The following DCDC2C variants were observed in gnomAD, a reference collection of about 807,000 sequenced individuals.
DCDC2C encodes doublecortin domain-containing protein 2C.
DCDC2C carries 44 observed loss-of-function variants against 45.0 expected under a neutral mutation model. The ratio of observed to expected loss-of-function variants is 0.98; its 90% CI spans 0.77 to 1.26. DCDC2C has a LOEUF of 1.26. DCDC2C is among the 50% of genes most tolerant of loss of function. The pLI is 0.00. For missense variants in DCDC2C, 447 were observed against 468.9 expected, an observed-to-expected ratio of 0.95 and a Z score of 0.43; for synonymous variants, 187 against 178.8, an observed-to-expected ratio of 1.05 and a Z score of -0.37.
intron 6 of DCDC2C, among the ~76,000 whole-genome samples, chr2:3,766,702 A>G (rs775756024): frequency 2.0e-5 from 3 of 152,194 alleles, no homozygotes; most frequent in Non-Finnish European, 4.4e-5. Flanking sequence ...TTCTTAAGTG[A>G]CATAGAGAGC....
rs1553284384 is a variant in DCDC2C at position 3,836,861 on chromosome 2, C to CG, written c.1066-10293_1066-10292insG. Among the ~76,000 whole-genome samples, 6 of 136,584 alleles carry CG rather than the reference C, an allele frequency of 4.4e-5. No homozygotes were observed. The East Asian group carries it at 1.3e-3, about 30-fold the overall frequency. 89.6% of individuals were successfully genotyped at this position (136,584 alleles called of 152,430 possible). A position where few individuals can be genotyped will look rare whatever the true frequency, so the allele number is the denominator to read the frequency against. Reference sequence around the variant, plus strand: ...TGGGCGACAGAGCGAGACTCCGTCTCAAAAAAAAAAAAAAAGAGTACACTG... The same window carrying CG: ...TGGGCGACAGAGCGAGACTCCGTCTCGAAAAAAAAAAAAAAAGAGTACACTG... On this transcript the variant is annotated intron_variant, in intron 10 of 10. Coordinates refer to ENST00000399143, the MANE Select transcript of DCDC2C (RefSeq NM_001287444.2).
chr2:3,710,860 C>G (rs1668189409), intron 2 of DCDC2C, among the ~76,000 whole-genome samples: 1 of 152,186 alleles, frequency 6.6e-6, no homozygotes, highest in Non-Finnish European at 1.5e-5. Context: ...CAGTCCACCA[C>G]TAATGGGCAC....
chr2:3,726,847 T>A (rs930860747), intron 2 of DCDC2C, among the ~76,000 whole-genome samples, 156 bp from the exon 3 acceptor site: 1 of 152,068 alleles, frequency 6.6e-6, no homozygotes, highest in African/African-American at 2.4e-5. Context: ...GGTCTGCCTC[T>A]CTCTGCATCC....
At chr2:3,743,396 A>G (rs1244971105) in intron 4 of DCDC2C, among the ~76,000 whole-genome samples, 1 of 152,202 alleles carries the variant, frequency 6.6e-6, no homozygotes, top group Non-Finnish European at 1.5e-5. Flanking sequence ...ATAACAACAT[A>G]AACCCAATAG....
At chr2:3,794,877 C>A (rs1188826105) in intron 10 of DCDC2C, among the ~76,000 whole-genome samples, 3 of 150,872 alleles carry the variant, frequency 2.0e-5, no homozygotes, top group African/African-American at 7.4e-5. Flanking sequence ...TGGGTATATA[C>A]CCAGTAATGG....
chr2:3,834,891 G>A (rs1672039126), intron 10 of DCDC2C, among the ~76,000 whole-genome samples: 2 of 152,202 alleles, frequency 1.3e-5, no homozygotes, highest in African/African-American at 4.8e-5. Flanking sequence ...ACAGTGCTGA[G>A]CATCGTATTC....
At chr2:3,723,896 A>G (rs1052405028) in intron 2 of DCDC2C, among the ~76,000 whole-genome samples, 2 of 152,048 alleles carry the variant, frequency 1.3e-5, no homozygotes, top group East Asian at 1.9e-4. Flanking sequence ...AAAATCAGCA[A>G]TTCTATTTGA....
intron 4 of DCDC2C, among the ~76,000 whole-genome samples, chr2:3,749,408 G>A (rs1170102792): frequency 4.6e-5 from 7 of 152,124 alleles, no homozygotes; most frequent in Non-Finnish European, 8.8e-5. Context: ...GCCGTTCTCC[G>A]TATGTGATGT....
chr2:3,754,692 A>G, intron 6 of DCDC2C, 58 bp downstream of exon 6: 1 of 1,469,794 alleles, frequency 6.8e-7, no homozygotes, highest in Non-Finnish European at 9.3e-7. Context: ...GTCTTCTGGC[A>G]TTAACAAGGG....
intron 2 of DCDC2C, among the ~76,000 whole-genome samples, chr2:3,709,769 G>A (rs1480643271): frequency 6.6e-6 from 1 of 152,148 alleles, no homozygotes; most frequent in Non-Finnish European, 1.5e-5. Context: ...ATTTGTTAGA[G>A]TTTGAGTCTC....
At chr2:3,806,462 T>G (rs893299352) in intron 10 of DCDC2C, among the ~76,000 whole-genome samples, 1 of 152,104 alleles carries the variant, frequency 6.6e-6, no homozygotes, top group Admixed American at 6.5e-5. Context: ...CTGCAATGTG[T>G]GAGTAGAGAC....
chr2:3,813,061 A>G (rs1406635966), intron 10 of DCDC2C, among the ~76,000 whole-genome samples: 1 of 28,700 alleles, frequency 3.5e-5, no homozygotes, highest in Non-Finnish European at 6.2e-5. Flanking sequence ...ATATATATAT[A>G]TATATATTTT....
rs1476431268 is a variant in DCDC2C at position 3,847,863 on chromosome 2, C to G, written c.*680C>G. Among the ~76,000 whole-genome samples, 3 of 152,154 alleles carry G rather than the reference C, an allele frequency of 2.0e-5. No individual in the cohort carries two copies. Among genetic ancestry groups the G allele is most frequent in the Non-Finnish European group, 2.9e-5 (2 of 68,046 alleles). On this transcript the variant is annotated 3_prime_UTR_variant, in exon 11 of 11. Transcript: ENST00000399143. ...TGTAGCACTTCCCCCTTCACTCTCT[C>G]TCTCCTGCTCTGCCATGTGAAAAAG...
intron 6 of DCDC2C, among the ~76,000 whole-genome samples, chr2:3,764,426 C>T (rs1340436453): frequency 1.3e-5 from 2 of 152,148 alleles, no homozygotes; most frequent in African/African-American, 4.8e-5. Context: ...TCAACAAGCT[C>T]TATTCTGGAG....
chr2:3,814,474 T>C (rs1386141407), intron 10 of DCDC2C, among the ~76,000 whole-genome samples: 1 of 152,218 alleles, frequency 6.6e-6, no homozygotes, highest in Non-Finnish European at 1.5e-5. Flanking sequence ...ACATGCTCAG[T>C]GTAGTTTTTT....
At chr2:3,834,887 C>T (rs762368116) in intron 10 of DCDC2C, among the ~76,000 whole-genome samples, 6 of 152,200 alleles carry the variant, frequency 3.9e-5, no homozygotes, top group Non-Finnish European at 7.4e-5. Context: ...GGGAACAGTG[C>T]TGAGCATCGT....
chr2:3,722,137 G>A (rs1300722313), intron 2 of DCDC2C, among the ~76,000 whole-genome samples: 1 of 152,188 alleles, frequency 6.6e-6, no homozygotes, highest in Non-Finnish European at 1.5e-5. Flanking sequence ...GCATGCAGGA[G>A]GCAGCTGAGG....
intron 10 of DCDC2C, among the ~76,000 whole-genome samples, chr2:3,792,705 C>G (rs933140185): frequency 7.2e-5 from 11 of 152,094 alleles, no homozygotes; most frequent in Non-Finnish European, 1.6e-4. Context: ...CTGCTTACAC[C>G]ACACTCTGTG....
chr2:3,746,062 T>C (rs1669351750), intron 4 of DCDC2C, among the ~76,000 whole-genome samples: 1 of 152,088 alleles, frequency 6.6e-6, no homozygotes, highest in African/African-American at 2.4e-5. Flanking sequence ...CTGATCTCGG[T>C]TGGAAAAAGG....
Sources: allele counts gnomAD v4.1 joint callset (sites outside exome capture counted in the v4.1 genomes callset), GRCh38; gene constraint gnomAD v4.1.1; transcripts MANE v1.5; gene names NCBI Gene and HGNC (gene_info 2026-07-23, HGNC 2026-07-21).